LRRTM4: variants seen among roughly 807,000 people sequenced by gnomAD.
LRRTM4 encodes leucine rich repeat transmembrane neuronal 4.
In LRRTM4, 25 loss-of-function variants were observed where a neutral mutation model predicts 47.6. That is an observed-to-expected ratio of 0.53 (90% CI 0.38 to 0.73). The LOEUF is 0.73. LRRTM4 is among the 30% of genes least tolerant of loss of function. The pLI, the probability that LRRTM4 is intolerant of heterozygous loss-of-function variation, is 0.00. For synonymous variants in LRRTM4, 311 were observed against 269.5 expected (o/e 1.15, Z -1.51); for missense variants, 638 against 713.4 (o/e 0.89, Z 1.20).
chr2:77,367,286 T>TG (rs1672498203), intron 3 of LRRTM4, among the ~76,000 whole-genome samples: 1 of 23,952 alleles, frequency 4.2e-5, no homozygotes, highest in African/African-American at 5.8e-4. Flanking sequence ...CATTATTTGA[T>TG]TTTTTTAATG....
At chr2:76,880,310 A>G (rs549186031) in intron 3 of LRRTM4, among the ~76,000 whole-genome samples, 1 of 152,312 alleles carries the variant, frequency 6.6e-6, no homozygotes, top group South Asian at 2.1e-4. Context: ...AACTTCAGCA[A>G]CCACCACTCT....
At chr2:77,416,764 T>C (rs1359871181) in intron 3 of LRRTM4, among the ~76,000 whole-genome samples, 2 of 151,776 alleles carry the variant, frequency 1.3e-5, no homozygotes, top group Non-Finnish European at 2.9e-5. Context: ...AAAGAAAAAA[T>C]GATATATAAA....
intron 3 of LRRTM4, among the ~76,000 whole-genome samples, chr2:77,397,171 A>C (rs913667182): frequency 6.6e-6 from 1 of 151,910 alleles, no homozygotes; most frequent in Admixed American, 6.6e-5. Context: ...ATGTGATACC[A>C]AGATCAAAAT....
intron 3 of LRRTM4, among the ~76,000 whole-genome samples, chr2:77,001,287 T>A (rs1323265210): frequency 6.6e-6 from 1 of 152,116 alleles, no homozygotes; most frequent in Non-Finnish European, 1.5e-5. Flanking sequence ...ACCTTGTGAA[T>A]TCTGATTATT....
intron 3 of LRRTM4, among the ~76,000 whole-genome samples, chr2:77,511,680 T>C (rs1372861188): frequency 6.6e-6 from 1 of 151,998 alleles, no homozygotes; most frequent in Non-Finnish European, 1.5e-5. Flanking sequence ...TTTTAATGTT[T>C]GTGTTCAGGG....
chr2:76,863,815 G>T (rs2104019153), intron 3 of LRRTM4, among the ~76,000 whole-genome samples: 1 of 152,218 alleles, frequency 6.6e-6, no homozygotes. Flanking sequence ...TCATGATATA[G>T]AAGGCAAAGT....
At chr2:76,941,346 G>A (rs1029023347) in intron 3 of LRRTM4, among the ~76,000 whole-genome samples, 25 of 151,880 alleles carry the variant, frequency 1.6e-4, no homozygotes, top group African/African-American at 6.0e-4. Flanking sequence ...TTAAGTTCTG[G>A]GATACATGTG....
At chr2:76,832,561 A>G (rs1323960625) in intron 3 of LRRTM4, among the ~76,000 whole-genome samples, 2 of 133,706 alleles carry the variant, frequency 1.5e-5, no homozygotes, top group Non-Finnish European at 1.5e-5. Flanking sequence ...GAATATTTTT[A>G]TCTTTTCTAT....
chr2:76,831,205 ATG>A (rs759667385), intron 3 of LRRTM4, among the ~76,000 whole-genome samples: 2 of 152,030 alleles, frequency 1.3e-5, no homozygotes, highest in Non-Finnish European at 2.9e-5. Flanking sequence ...ATGTGTGCAT[ATG>A]TGTGTGTGTG....
Position 77,030,726 on chromosome 2 carries a change from G to A in LRRTM4, c.1552-281810C>T, listed in dbSNP as rs367787313. Reference sequence around the variant, plus strand: ...GTCAAATACCACCAGAAAAAAAGACGCATTATTTCCTTCCAGTAATATCCT... The same window carrying A: ...GTCAAATACCACCAGAAAAAAAGACACATTATTTCCTTCCAGTAATATCCT... On this transcript the variant is annotated intron_variant, in intron 3 of 3. Transcript: ENST00000409884. Among the ~76,000 whole-genome samples the A allele has an allele frequency of 3.2e-4, 48 of 152,184 alleles. No individual in the cohort carries two copies. The East Asian group carries it at 3.9e-3, about 12-fold the overall frequency.
intron 3 of LRRTM4, among the ~76,000 whole-genome samples, chr2:77,049,012 T>G (rs2103764289): frequency 6.6e-6 from 1 of 151,008 alleles, no homozygotes; most frequent in East Asian, 2.0e-4. Context: ...AGTGAGAAAA[T>G]ACAATATTCA....
In LRRTM4 at chr2:77,406,087, T is replaced by A. The variant is rs115818201; in HGVS notation, c.1551+112231A>T. On this transcript the variant is annotated intron_variant, in intron 3 of 3. Transcript: ENST00000409884. ...GTCAAACCAATATCCTCAGTCATGTTTTCATAGACTGATATTTTCTATAGT... is the reference window on the plus strand; with the variant it reads ...GTCAAACCAATATCCTCAGTCATGTATTCATAGACTGATATTTTCTATAGT... Among the ~76,000 whole-genome samples the A allele has an allele frequency of 3.6e-3, 553 of 152,244 alleles. 3 individuals carry two copies. Among genetic ancestry groups the A allele is most frequent in the African/African-American group, 0.012 (518 of 41,558 alleles).
intron 3 of LRRTM4, among the ~76,000 whole-genome samples, chr2:77,229,119 T>G (rs1674895648): frequency 6.6e-6 from 1 of 152,094 alleles, no homozygotes; most frequent in Admixed American, 6.6e-5. Flanking sequence ...CTTAATTAAT[T>G]TCCAAAATAT....
At position 76,900,868 on chromosome 2, in the gene LRRTM4, C is replaced by T. The variant is rs1338511632; in HGVS notation, c.1552-151952G>A. On this transcript the variant is annotated intron_variant, in intron 3 of 3. Coordinates refer to ENST00000409884, the MANE Select transcript of LRRTM4 (RefSeq NM_001134745.3). Reference sequence around the variant, plus strand: ...AGTCCTCTGACATTTAATTAACACTCATTGGATTGAATAATGTTGATTAGA... The same window carrying T: ...AGTCCTCTGACATTTAATTAACACTTATTGGATTGAATAATGTTGATTAGA... Among the ~76,000 whole-genome samples, 9 of 152,190 alleles carry T rather than the reference C, an allele frequency of 5.9e-5. No individual in the cohort carries two copies. In the South Asian group the frequency reaches 8.3e-4, roughly 14 times the overall value.
At chr2:77,234,890 A>C (rs1573117566) in intron 3 of LRRTM4, among the ~76,000 whole-genome samples, 2 of 151,808 alleles carry the variant, frequency 1.3e-5, no homozygotes, top group African/African-American at 4.8e-5. Context: ...CTTACCTCTT[A>C]CCCTCCCTCC....
intron 3 of LRRTM4, among the ~76,000 whole-genome samples, chr2:77,060,861 T>C (rs960229929): frequency 5.9e-5 from 9 of 152,124 alleles, no homozygotes; most frequent in African/African-American, 2.2e-4. Context: ...GTGAGCACAA[T>C]TCCTGTCACA....
At chr2:77,036,193 G>A (rs550770002) in intron 3 of LRRTM4, among the ~76,000 whole-genome samples, 1 of 151,324 alleles carries the variant, frequency 6.6e-6, no homozygotes, top group African/African-American at 2.4e-5. Context: ...ACAAAACTGA[G>A]AAAAAATAAT....
At chr2:76,776,572 G>C (rs1205297766) in intron 3 of LRRTM4, among the ~76,000 whole-genome samples, 1 of 152,160 alleles carries the variant, frequency 6.6e-6, no homozygotes, top group Non-Finnish European at 1.5e-5. Flanking sequence ...AGAAGTGTCT[G>C]TTCATGACCT....
Position 76,908,364 on chromosome 2 carries a change from T to A in LRRTM4, c.1552-159448A>T, listed in dbSNP as rs938092994. On this transcript the variant is annotated intron_variant, in intron 3 of 3. Coordinates refer to ENST00000409884, the MANE Select transcript of LRRTM4 (RefSeq NM_001134745.3). ...ATCTCAAAATCATAAGAGCTATCTA[T>A]GACAAACCCACAGCCAATATCATAC... Among the ~76,000 whole-genome samples the A allele has an allele frequency of 5.3e-5, 8 of 152,106 alleles. No individual in the cohort carries two copies. The South Asian group carries it at 1.0e-3, about 20-fold the overall frequency.
Sources: gnomAD v4.1 joint callset for allele counts (sites outside exome capture counted in the v4.1 genomes callset) on GRCh38, gnomAD v4.1.1 for gene constraint, MANE v1.5 for transcripts, NCBI Gene and HGNC (gene_info 2026-07-23, HGNC 2026-07-21) for gene names.